SUFU: variants seen among roughly 807,000 people sequenced by gnomAD.
The protein encoded by SUFU is suppressor of fused homolog.
Under a neutral mutation model 58.9 loss-of-function variants are expected in SUFU, and 7 were observed. The observed-to-expected ratio is 0.12, with a 90% CI of 0.07 to 0.22. SUFU has a LOEUF of 0.22. SUFU is among the 10% of genes least tolerant of loss of function. The probability of loss-of-function intolerance (pLI) is 1.00; values close to 1 mark genes in which losing one functional copy is unlikely to be tolerated. For synonymous variants in SUFU, 232 were observed against 254.8 expected (o/e 0.91, Z 0.85); for missense variants, 451 against 641.3 (o/e 0.70, Z 3.20).
Position 102,630,370 on chromosome 10 carries a change from C to A in SUFU, c.*215C>A. 3.4e-6 allele frequency: 2 copies of A among 596,258 alleles called. No homozygotes were observed. Among genetic ancestry groups the A allele is most frequent in the Admixed American group, 5.5e-5 (2 of 36,656 alleles). 36.9% of individuals were successfully genotyped at this position (596,258 alleles called of 1,614,324 possible). On this transcript the variant is annotated 3_prime_UTR_variant, in exon 12 of 12. Transcript: ENST00000369902. ...GGGCCGCACCCCGCCGCTGGCTAAG[C>A]CTTGTGACCCATCAGGCCAGTGAGT...
chr10:102,611,803 T>A (rs2063626571), intron 8 of SUFU, among the ~76,000 whole-genome samples: 1 of 152,152 alleles, frequency 6.6e-6, no homozygotes, highest in South Asian at 2.1e-4. Flanking sequence ...CAATGTCACA[T>A]AAAACTGGAA....
intron 8 of SUFU, among the ~76,000 whole-genome samples, chr10:102,609,488 T>C (rs2063599665): frequency 6.6e-6 from 1 of 152,178 alleles, no homozygotes; most frequent in African/African-American, 2.4e-5. Flanking sequence ...AACTGAGTCT[T>C]GCAAAAAAAG....
Position 102,504,067 on chromosome 10 carries a change from C to G in SUFU, c.-86C>G. 1 of 1,468,178 alleles carries G rather than the reference C, an allele frequency of 6.8e-7. No individual in the cohort carries two copies. 90.9% of individuals were successfully genotyped at this position (1,468,178 alleles called of 1,614,324 possible). On this transcript the variant is annotated 5_prime_UTR_variant, in exon 1 of 12. Coordinates refer to ENST00000369902, the MANE Select transcript of SUFU (RefSeq NM_016169.4). ...GCCCCCATCGCCTCGGGGAGTCTCA[C>G]CCACCGAGTCCGCCCGCTGGCCCGT...
At chr10:102,603,857 A>T (rs1375877920) in intron 8 of SUFU, among the ~76,000 whole-genome samples, 1 of 152,188 alleles carries the variant, frequency 6.6e-6, no homozygotes, top group Non-Finnish European at 1.5e-5. Context: ...CCAGGGAGTC[A>T]TCCTTTAGAG....
At chr10:102,608,381 G>A (rs575964742) in intron 8 of SUFU, among the ~76,000 whole-genome samples, 2 of 152,298 alleles carry the variant, frequency 1.3e-5, no homozygotes, top group East Asian at 1.9e-4. Flanking sequence ...AAAAGATATT[G>A]TATGAGCTGT....
upstream of SUFU, chr10:102,503,957 G>T (rs984738138): frequency 2.7e-6 from 2 of 730,190 alleles, no homozygotes; most frequent in Non-Finnish European, 2.0e-6. Flanking sequence ...CCGCCGCCCC[G>T]AGGCACCCTC....
intron 2 of SUFU, among the ~76,000 whole-genome samples, chr10:102,535,792 G>C (rs570054019): frequency 3.9e-5 from 6 of 152,204 alleles, no homozygotes; most frequent in African/African-American, 1.4e-4. Flanking sequence ...CCTGACCTTG[G>C]GCCTCTCTTG....
chr10:102,562,445 C>T (rs1238499879), intron 3 of SUFU, among the ~76,000 whole-genome samples: 1 of 152,008 alleles, frequency 6.6e-6, no homozygotes, highest in Non-Finnish European at 1.5e-5. Flanking sequence ...ATTGCTTGAA[C>T]CTGGGAGGCA....
intron 2 of SUFU, among the ~76,000 whole-genome samples, chr10:102,515,849 T>G (rs1228730628): frequency 6.6e-6 from 1 of 152,086 alleles, no homozygotes; most frequent in African/African-American, 2.4e-5. Flanking sequence ...TGAAGCCTGG[T>G]CCCTCTGCCT....
intron 3 of SUFU, among the ~76,000 whole-genome samples, chr10:102,581,920 A>G (rs1466041496): frequency 6.6e-6 from 1 of 152,144 alleles, no homozygotes. Flanking sequence ...TTGACCTCCA[A>G]GTTGACAGAC....
intron 2 of SUFU, among the ~76,000 whole-genome samples, chr10:102,529,750 T>A (rs997338451): frequency 6.6e-6 from 1 of 151,740 alleles, no homozygotes; most frequent in East Asian, 1.9e-4. Flanking sequence ...ATCAAGACCA[T>A]CCTGGCCAAC....
chr10:102,579,216 G>A lies in SUFU; in HGVS notation c.455-13366G>A, dbSNP rs539090887. On this transcript the variant is annotated intron_variant, in intron 3 of 11. Transcript: ENST00000369902. ...CAGGTGAACCCTCCTGAGCTCTGTG[G>A]GCAGTCAGGGTCCTCACCCTCATTG... Among the ~76,000 whole-genome samples the A allele has an allele frequency of 3.7e-3, 558 of 152,324 alleles. 3 individuals are homozygous for A. Among genetic ancestry groups the A allele is most frequent in the Non-Finnish European group, 7.0e-3 (473 of 68,038 alleles).
chr10:102,565,834 C>T (rs934078736), intron 3 of SUFU, among the ~76,000 whole-genome samples: 1 of 152,210 alleles, frequency 6.6e-6, no homozygotes, highest in African/African-American at 2.4e-5. Flanking sequence ...GCGTGAGCCA[C>T]CACGCCTGGC....
intron 8 of SUFU, among the ~76,000 whole-genome samples, chr10:102,603,025 A>G (rs2063528266): frequency 6.6e-6 from 1 of 152,078 alleles, no homozygotes; most frequent in South Asian, 2.1e-4. Context: ...ATCTGTAGAG[A>G]TTTGAGGAGG....
chr10:102,520,961 C>T (rs1386395850), intron 2 of SUFU, among the ~76,000 whole-genome samples: 2 of 152,136 alleles, frequency 1.3e-5, no homozygotes, highest in African/African-American at 2.4e-5. Context: ...TGTGGACATA[C>T]GTTTTCAACT....
intron 3 of SUFU, among the ~76,000 whole-genome samples, chr10:102,585,328 T>C (rs547038975): frequency 1.3e-5 from 2 of 152,348 alleles, no homozygotes; most frequent in East Asian, 1.9e-4. Context: ...TGGAATCATA[T>C]AAGGTCTATT....
chr10:102,534,807 G>GTA (rs1264468910), intron 2 of SUFU, among the ~76,000 whole-genome samples: 9 of 152,202 alleles, frequency 5.9e-5, no homozygotes, highest in Admixed American at 5.2e-4. Flanking sequence ...GGCAGCCTCT[G>GTA]TAAAGCCCTA....
intron 3 of SUFU, among the ~76,000 whole-genome samples, chr10:102,557,526 G>A (rs1018099759): frequency 6.6e-6 from 1 of 151,982 alleles, no homozygotes; most frequent in Non-Finnish European, 1.5e-5. Context: ...CAGGGAGGTC[G>A]AGGCTGCCTT....
At chr10:102,576,368 T>TG (rs1222584834) in intron 3 of SUFU, among the ~76,000 whole-genome samples, 11 of 152,206 alleles carry the variant, frequency 7.2e-5, no homozygotes, top group Admixed American at 7.2e-4. Flanking sequence ...GAAACTGTAC[T>TG]GCCCTTCACA....
Sources: gnomAD v4.1 joint callset for allele counts (sites outside exome capture counted in the v4.1 genomes callset) on GRCh38, gnomAD v4.1.1 for gene constraint, MANE v1.5 for transcripts, NCBI Gene and HGNC (gene_info 2026-07-23, HGNC 2026-07-21) for gene names.